The following CDH13 variants were observed in gnomAD, a reference collection of about 807,000 sequenced individuals.
CDH13 encodes cadherin-13.
A neutral mutation model predicts 63.8 loss-of-function variants in CDH13; 24 were observed. The observed-to-expected ratio is 0.38, with a 90% confidence interval of 0.27 to 0.53. CDH13 has a LOEUF of 0.53. Ranked by LOEUF, CDH13 falls within the 20% of genes least tolerant of loss-of-function variation. The pLI is 0.85. For missense variants in CDH13, 1,049 were observed against 903.1 expected (o/e 1.16, Z -2.07); for synonymous variants, 503 against 355.3 (o/e 1.42, Z -4.67).
intron 6 of CDH13, among the ~76,000 whole-genome samples, chr16:83,368,929 T>TAC (rs2091309222): frequency 1.4e-5 from 1 of 70,850 alleles, no homozygotes; most frequent in Admixed American, 1.6e-4. Context: ...TATATATATA[T>TAC]ATATATATAC....
intron 10 of CDH13, among the ~76,000 whole-genome samples, chr16:83,718,759 C>T (rs1909284567): frequency 6.6e-6 from 1 of 152,218 alleles, no homozygotes; most frequent in Non-Finnish European, 1.5e-5. Flanking sequence ...CCCCTAGCTT[C>T]TGCAGCTATT....
At chr16:83,174,435 G>A (rs1477597829) in intron 4 of CDH13, among the ~76,000 whole-genome samples, 1 of 151,820 alleles carries the variant, frequency 6.6e-6, no homozygotes, top group Non-Finnish European at 1.5e-5. Context: ...GAGCTTTATG[G>A]ATTGCAGCAA....
At chr16:83,020,563 A>T (rs547058396) in intron 2 of CDH13, among the ~76,000 whole-genome samples, 2 of 152,224 alleles carry the variant, frequency 1.3e-5, no homozygotes, top group Non-Finnish European at 2.9e-5. Context: ...TGCTATTAGG[A>T]AACAAAATAA....
At chr16:82,978,033 T>G (rs1909762243) in intron 2 of CDH13, among the ~76,000 whole-genome samples, 1 of 152,134 alleles carries the variant, frequency 6.6e-6, no homozygotes, top group South Asian at 2.1e-4. Flanking sequence ...TCTCGTTATG[T>G]TTTAGCACAG....
intron 7 of CDH13, among the ~76,000 whole-genome samples, chr16:83,568,714 C>A (rs559065559): frequency 6.6e-6 from 1 of 152,192 alleles, no homozygotes; most frequent in African/African-American, 2.4e-5. Context: ...TCTGCAACGT[C>A]TGTAACAGTG....
At chr16:83,228,188 C>T (rs1332154751) in intron 5 of CDH13, among the ~76,000 whole-genome samples, 1 of 152,142 alleles carries the variant, frequency 6.6e-6, no homozygotes, top group African/African-American at 2.4e-5. Flanking sequence ...CTAGCAGATG[C>T]CTGGCAGTGT....
intron 2 of CDH13, among the ~76,000 whole-genome samples, chr16:83,016,502 C>A (rs1011649543): frequency 6.6e-6 from 1 of 152,136 alleles, no homozygotes; most frequent in Non-Finnish European, 1.5e-5. Flanking sequence ...TCCAGATTAC[C>A]AAAGGGCAGG....
intron 7 of CDH13, among the ~76,000 whole-genome samples, chr16:83,530,159 G>C (rs923367264): frequency 1.9e-4 from 29 of 152,224 alleles, no homozygotes; most frequent in African/African-American, 7.0e-4. Context: ...GAGCATTTTG[G>C]GGGTGTTCAG....
At chr16:82,792,132 C>T (rs142905613) in intron 1 of CDH13, among the ~76,000 whole-genome samples, 1 of 152,116 alleles carries the variant, frequency 6.6e-6, no homozygotes, top group African/African-American at 2.4e-5. Context: ...CATAAACCAT[C>T]CATCTCTGAG....
At chr16:83,604,758 T>C (rs959589682) in intron 8 of CDH13, among the ~76,000 whole-genome samples, 2 of 152,176 alleles carry the variant, frequency 1.3e-5, no homozygotes. Flanking sequence ...AACTTAACGA[T>C]GGGAACAAAA....
intron 3 of CDH13, among the ~76,000 whole-genome samples, chr16:83,087,932 T>A (rs2033693851): frequency 6.6e-6 from 1 of 152,164 alleles, no homozygotes; most frequent in Non-Finnish European, 1.5e-5. Context: ...CCTTTACCTT[T>A]ACTGAACACT....
chr16:82,734,438 G>T (rs999217127), intron 1 of CDH13, among the ~76,000 whole-genome samples: 4 of 152,204 alleles, frequency 2.6e-5, no homozygotes, highest in African/African-American at 9.6e-5. Context: ...GAGGAGGCAG[G>T]TGCGCCTGCA....
chr16:83,110,271 G>C lies in CDH13; in HGVS notation c.367-15114G>C, dbSNP rs140126883. ...ACTGCTGCTTCTTTAAAATACTCAA[G>C]AGTCACTTACGATGTTTAATTGGCA... On this transcript the variant is annotated intron_variant, in intron 3 of 13. Coordinates refer to ENST00000567109, the MANE Select transcript of CDH13 (RefSeq NM_001257.5). Among the ~76,000 whole-genome samples, 219 of 152,274 alleles carry C rather than the reference G, an allele frequency of 1.4e-3. 2 individuals are homozygous for C. The highest frequency in any genetic ancestry group is 0.01 in the Middle Eastern group (3 of 294).
At chr16:83,715,332 C>T (rs1318872539) in intron 10 of CDH13, among the ~76,000 whole-genome samples, 1 of 152,182 alleles carries the variant, frequency 6.6e-6, no homozygotes, top group Non-Finnish European at 1.5e-5. Context: ...AGCTGTTTTT[C>T]GCTTGCAAGA....
chr16:82,881,690 A>G (rs777374673), intron 2 of CDH13, among the ~76,000 whole-genome samples: 2 of 152,210 alleles, frequency 1.3e-5, no homozygotes, highest in African/African-American at 4.8e-5. Context: ...GCCATCTGGT[A>G]TCCATGGAGA....
At chr16:83,098,041 G>A (rs1320375304) in intron 3 of CDH13, among the ~76,000 whole-genome samples, 1 of 152,192 alleles carries the variant, frequency 6.6e-6, no homozygotes, top group Admixed American at 6.5e-5. Context: ...AAGAAGGCAA[G>A]TTAGGATACT....
At chr16:83,668,075 G>C (rs918689713) in intron 8 of CDH13, among the ~76,000 whole-genome samples, 1 of 152,216 alleles carries the variant, frequency 6.6e-6, no homozygotes, top group African/African-American at 2.4e-5. Flanking sequence ...GCACAGGGAA[G>C]ATCAGTCCAT....
intron 4 of CDH13, among the ~76,000 whole-genome samples, chr16:83,172,389 G>T (rs576632398): frequency 6.6e-6 from 1 of 152,122 alleles, no homozygotes; most frequent in South Asian, 2.1e-4. Flanking sequence ...TACTCATGAG[G>T]CTGATACGCA....
At chr16:83,101,335 T>C (rs2034468900) in intron 3 of CDH13, among the ~76,000 whole-genome samples, 1 of 150,520 alleles carries the variant, frequency 6.6e-6, no homozygotes, top group African/African-American at 2.4e-5. Context: ...TTATATACTA[T>C]ATATGTGTAG....
Sources: gnomAD v4.1 joint callset for allele counts (sites outside exome capture counted in the v4.1 genomes callset) on GRCh38, gnomAD v4.1.1 for gene constraint, MANE v1.5 for transcripts, NCBI Gene and HGNC (gene_info 2026-07-23, HGNC 2026-07-21) for gene names.